Variants in GRM7 observed in about 807,000 individuals in gnomAD.
GRM7 encodes metabotropic glutamate receptor 7.
A neutral mutation model predicts 84.5 loss-of-function variants in GRM7; 35 were observed. The observed-to-expected ratio is 0.41, with a 90% CI of 0.32 to 0.55. The LOEUF is 0.55. Ranked by LOEUF, GRM7 falls within the 20% of genes least tolerant of loss-of-function variation. The pLI, the probability that GRM7 is intolerant of heterozygous loss-of-function variation, is 0.19. For missense variants in GRM7, 1,003 were observed against 1,194.6 expected (o/e 0.84, Z 2.36); for synonymous variants, 487 against 455.1 (o/e 1.07, Z -0.89).
chr3:7,303,494 T>C (rs55719737), intron 3 of GRM7, among the ~76,000 whole-genome samples: 71,989 of 151,894 alleles, frequency 0.47, 18,752 homozygotes, highest in Non-Finnish European at 0.6. Flanking sequence ...TTCCTATCTC[T>C]ATAGTCATAA....
At chr3:7,634,294 A>G (rs1451987295) in intron 8 of GRM7, among the ~76,000 whole-genome samples, 1 of 152,108 alleles carries the variant, frequency 6.6e-6, no homozygotes, top group Non-Finnish European at 1.5e-5. Context: ...TTGTTGATCA[A>G]CTAAATTGTC....
intron 7 of GRM7, among the ~76,000 whole-genome samples, chr3:7,549,569 C>T (rs796816849): frequency 1.4e-4 from 21 of 152,230 alleles, no homozygotes; most frequent in African/African-American, 4.6e-4. Flanking sequence ...CAATAGGTTA[C>T]GACTTGGAAG....
intron 8 of GRM7, among the ~76,000 whole-genome samples, chr3:7,590,935 T>C (rs1695753721): frequency 6.6e-6 from 1 of 152,202 alleles, no homozygotes; most frequent in Non-Finnish European, 1.5e-5. Flanking sequence ...CTGTCTCTAG[T>C]TCTACTTTGT....
At chr3:7,470,505 T>C (rs1455440511) in intron 7 of GRM7, among the ~76,000 whole-genome samples, 1 of 152,182 alleles carries the variant, frequency 6.6e-6, no homozygotes, top group South Asian at 2.1e-4. Context: ...TATAACTGTG[T>C]TCTTTCTATG....
chr3:7,186,603 T>TA (rs1695523965), intron 2 of GRM7, among the ~76,000 whole-genome samples: 1 of 152,230 alleles, frequency 6.6e-6, no homozygotes, highest in South Asian at 2.1e-4. Flanking sequence ...TCCCTGTTTT[T>TA]ATCAGACAAT....
intron 7 of GRM7, among the ~76,000 whole-genome samples, chr3:7,521,791 G>A (rs1457134293): frequency 6.6e-6 from 1 of 152,126 alleles, no homozygotes; most frequent in Non-Finnish European, 1.5e-5. Context: ...AGAACGCCGA[G>A]TAGCCCTCCC....
intron 1 of GRM7, among the ~76,000 whole-genome samples, chr3:7,122,994 A>C (rs1693275556): frequency 6.6e-6 from 1 of 152,214 alleles, no homozygotes; most frequent in African/African-American, 2.4e-5. Context: ...TTCCCTGTTG[A>C]GACACATATG....
intron 1 of GRM7, among the ~76,000 whole-genome samples, chr3:7,025,326 G>A (rs2124918787): frequency 6.6e-6 from 1 of 152,268 alleles, no homozygotes; most frequent in Non-Finnish European, 1.5e-5. Context: ...GGACATCTCT[G>A]GGGATGAAGC....
At chr3:7,263,802 C>T (rs1040674863) in intron 2 of GRM7, among the ~76,000 whole-genome samples, 4 of 151,942 alleles carry the variant, frequency 2.6e-5, no homozygotes, top group Middle Eastern at 3.4e-3. Context: ...ACAGCAATGG[C>T]GGTAGGGTAG....
chr3:7,198,949 TAA>T (rs1266335177), intron 2 of GRM7, among the ~76,000 whole-genome samples: 1 of 152,192 alleles, frequency 6.6e-6, no homozygotes, highest in Non-Finnish European at 1.5e-5. Flanking sequence ...GATGTATCTT[TAA>T]AAGTTTTTTA....
intron 1 of GRM7, among the ~76,000 whole-genome samples, chr3:7,145,941 A>C (rs934569013): frequency 6.6e-6 from 1 of 152,194 alleles, no homozygotes; most frequent in African/African-American, 2.4e-5. Flanking sequence ...GTTCTTGTGA[A>C]GAATAAATTA....
chr3:7,047,608 G>A (rs1696849449), intron 1 of GRM7, among the ~76,000 whole-genome samples: 1 of 152,034 alleles, frequency 6.6e-6, no homozygotes, highest in Admixed American at 6.6e-5. Flanking sequence ...TGGATAAGTG[G>A]TCCCTATTGT....
chr3:6,892,860 T>C (rs1696020118), intron 1 of GRM7: 1 of 152,130 alleles, frequency 6.6e-6, no homozygotes, highest in Non-Finnish European at 1.5e-5. Context: ...TTCTGTTGTG[T>C]GGGACAAAAC....
chr3:7,684,117 CAATT>C (rs1700485974), intron 9 of GRM7, among the ~76,000 whole-genome samples: 1 of 152,144 alleles, frequency 6.6e-6, no homozygotes, highest in East Asian at 1.9e-4. Flanking sequence ...GTGAAAAATT[CAATT>C]AATAAAAACA....
At chr3:7,560,006 C>T (rs768444778) in intron 7 of GRM7, among the ~76,000 whole-genome samples, 14 of 152,004 alleles carry the variant, frequency 9.2e-5, no homozygotes, top group South Asian at 2.1e-4. Flanking sequence ...TCCTTAAAGG[C>T]GACATTTCCA....
At chr3:7,254,859 A>T (rs1039177479) in intron 2 of GRM7, among the ~76,000 whole-genome samples, 1 of 152,230 alleles carries the variant, frequency 6.6e-6, no homozygotes, top group Non-Finnish European at 1.5e-5. Context: ...CTTAAAAGAC[A>T]TCTAGAACAG....
chr3:7,505,613 A>C (rs1026335044), intron 7 of GRM7, among the ~76,000 whole-genome samples: 2 of 152,226 alleles, frequency 1.3e-5, no homozygotes, highest in African/African-American at 4.8e-5. Flanking sequence ...AATTAGAGCC[A>C]CATGAACACT....
chr3:7,097,959 A>G (rs558861313), intron 1 of GRM7, among the ~76,000 whole-genome samples: 1 of 152,216 alleles, frequency 6.6e-6, no homozygotes, highest in East Asian at 1.9e-4. Context: ...CCAATATACT[A>G]TGTATTCTCA....
intron 2 of GRM7, among the ~76,000 whole-genome samples, chr3:7,178,660 T>C (rs571631277): frequency 7.9e-5 from 12 of 152,170 alleles, no homozygotes; most frequent in Non-Finnish European, 1.8e-4. Flanking sequence ...AAATTGCAGA[T>C]GGGTGTCCCT....
Sources: gnomAD v4.1 joint callset for allele counts (sites outside exome capture counted in the v4.1 genomes callset) on GRCh38, gnomAD v4.1.1 for gene constraint, MANE v1.5 for transcripts, NCBI Gene and HGNC (gene_info 2026-07-23, HGNC 2026-07-21) for gene names.